The following MAMDC2 variants were observed in gnomAD, a reference collection of about 807,000 sequenced individuals.
MAMDC2 encodes the protein MAM domain containing 2, also known as MAM domain-containing protein 2.
MAMDC2 carries 57 observed loss-of-function variants against 89.8 expected under a neutral mutation model. That is an observed-to-expected ratio of 0.63 (90% CI 0.51 to 0.79). MAMDC2 has a LOEUF of 0.79. MAMDC2 is among the 30% of genes least tolerant of loss of function. The probability of loss-of-function intolerance (pLI) is 0.00; values close to 1 mark genes in which losing one functional copy is unlikely to be tolerated. For missense variants in MAMDC2, 800 were observed against 820.6 expected, an observed-to-expected ratio of 0.97 and a Z score of 0.31; for synonymous variants, 313 against 293.4, an observed-to-expected ratio of 1.07 and a Z score of -0.68.
chr9:70,109,356 G>C (rs1187792829), intron 3 of MAMDC2: 1 of 201,784 alleles, frequency 5.0e-6, no homozygotes, highest in Non-Finnish European at 9.9e-6. Context: ...TAAAACCACA[G>C]GAGAAAAAGT....
At chr9:70,098,322 C>T (rs1357072969) in intron 2 of MAMDC2, among the ~76,000 whole-genome samples, 4 of 152,154 alleles carry the variant, frequency 2.6e-5, no homozygotes, top group Non-Finnish European at 4.4e-5. Flanking sequence ...CCTCTGAGCC[C>T]AAGCCTGTGG....
intron 2 of MAMDC2, among the ~76,000 whole-genome samples, chr9:70,049,032 GA>G (rs1277390471): frequency 6.6e-6 from 1 of 152,174 alleles, no homozygotes; most frequent in East Asian, 1.9e-4. Context: ...AGGTGAACAG[GA>G]AGTAAAAAGA....
intron 2 of MAMDC2, among the ~76,000 whole-genome samples, chr9:70,071,180 T>C (rs2997678): frequency 0.35 from 53,685 of 151,926 alleles, 10,880 homozygotes; most frequent in African/African-American, 0.56. Flanking sequence ...CTTTACCATA[T>C]GTTTTAAGTA....
chr9:70,190,877 A>C (rs1201712364), intron 11 of MAMDC2, among the ~76,000 whole-genome samples: 1 of 152,152 alleles, frequency 6.6e-6, no homozygotes. Context: ...AGAAGCTGCT[A>C]AACAGGTTAA....
At chr9:70,183,678 T>G (rs2032690827) in intron 11 of MAMDC2, among the ~76,000 whole-genome samples, 1 of 152,224 alleles carries the variant, frequency 6.6e-6, no homozygotes, top group Non-Finnish European at 1.5e-5. Flanking sequence ...CTTGCTTTTT[T>G]TTTCTCTTTG....
rs2033636791 is a variant in MAMDC2 at position 70,226,081 on chromosome 9, A to G, written c.*49A>G. 6.3e-6 allele frequency: 7 copies of G among 1,115,040 alleles called. No homozygotes were observed. The East Asian group carries it at 1.7e-4, about 27-fold the overall frequency. 69.1% of individuals were successfully genotyped at this position (1,115,040 alleles called of 1,614,324 possible). The stretch of plus-strand genomic sequence containing the variant: ...TAGACGAAAACCATACCTCTCTTCA[A>G]TCAAAATGAAAACAAAGCAAATGAA... On this transcript the variant is annotated 3_prime_UTR_variant, in exon 14 of 14. Transcript: ENST00000377182.
In MAMDC2 at chr9:70,049,241, C is replaced by G. The variant is rs150338456; in HGVS notation, c.148+4544C>G. Among the ~76,000 whole-genome samples, 10 of 152,192 alleles carry G rather than the reference C, an allele frequency of 6.6e-5. No homozygotes were observed. In the East Asian group the frequency reaches 1.7e-3, roughly 26 times the overall value. ...GGGGTGGGGGCATGGTAGAATGTCC[C>G]GAAATCACGTGTAAATACATGTGTG... On this transcript the variant is annotated intron_variant, in intron 2 of 13. Coordinates refer to ENST00000377182, the MANE Select transcript of MAMDC2 (RefSeq NM_153267.5).
chr9:70,134,489 A>G (rs2030931814), intron 7 of MAMDC2, among the ~76,000 whole-genome samples: 1 of 151,998 alleles, frequency 6.6e-6, no homozygotes, highest in Non-Finnish European at 1.5e-5. Flanking sequence ...CATAAAGCCC[A>G]GCCTCAAACT....
In MAMDC2 at chr9:70,207,669, T is replaced by C. The variant is rs1266787993; in HGVS notation, c.1652-10668T>C. Among the ~76,000 whole-genome samples, 5 of 152,266 alleles carry C rather than the reference T, an allele frequency of 3.3e-5. No individual in the cohort carries two copies. In the South Asian group the frequency reaches 1.0e-3, roughly 32 times the overall value. On this transcript the variant is annotated intron_variant, in intron 11 of 13. Coordinates refer to ENST00000377182, the MANE Select transcript of MAMDC2 (RefSeq NM_153267.5). Reference sequence around the variant, plus strand: ...CATTTGTCAATTTTGGCTTTTGTTGTCATTGCTTTTGGTGTTTTCGACATG... The same window carrying C: ...CATTTGTCAATTTTGGCTTTTGTTGCCATTGCTTTTGGTGTTTTCGACATG...
intron 2 of MAMDC2, chr9:70,079,385 A>G (rs542867995): frequency 1.3e-5 from 2 of 152,304 alleles, no homozygotes; most frequent in African/African-American, 4.8e-5. Flanking sequence ...AATTCATGAC[A>G]TTATAAACTG....
At chr9:70,125,580 T>G (rs148582968) in intron 5 of MAMDC2, among the ~76,000 whole-genome samples, 1 of 152,348 alleles carries the variant, frequency 6.6e-6, no homozygotes, top group East Asian at 1.9e-4. Context: ...CAAATTTCAG[T>G]GTCGATTGAC....
At chr9:70,211,917 T>G (rs192802139) in intron 11 of MAMDC2, among the ~76,000 whole-genome samples, 7 of 152,240 alleles carry the variant, frequency 4.6e-5, no homozygotes, top group African/African-American at 1.4e-4. Flanking sequence ...TGCCTGGGTA[T>G]CAGCAGCGGA....
At chr9:70,107,492 C>T (rs1012144386) in intron 2 of MAMDC2, among the ~76,000 whole-genome samples, 1 of 152,080 alleles carries the variant, frequency 6.6e-6, no homozygotes, top group African/African-American at 2.4e-5. Flanking sequence ...AATTGCTAGT[C>T]CCAGAGTGTC....
intron 2 of MAMDC2, among the ~76,000 whole-genome samples, chr9:70,072,837 T>A (rs1827439394): frequency 6.6e-6 from 1 of 152,108 alleles, no homozygotes; most frequent in Non-Finnish European, 1.5e-5. Flanking sequence ...CACATTTTCA[T>A]TCTATTTTTT....
intron 11 of MAMDC2, among the ~76,000 whole-genome samples, chr9:70,215,223 G>GTAAT (rs1347564675): frequency 3.3e-5 from 5 of 150,774 alleles, no homozygotes. Flanking sequence ...ACGTAAGAAT[G>GTAAT]TAATTCTACT....
chr9:70,198,598 C>T (rs2033026487), intron 11 of MAMDC2, among the ~76,000 whole-genome samples: 1 of 152,222 alleles, frequency 6.6e-6, no homozygotes, highest in Middle Eastern at 3.4e-3. Flanking sequence ...TCAGTTCTCT[C>T]TCCCTGATCC....
At chr9:70,122,976 T>A (rs2030353678) in intron 5 of MAMDC2, among the ~76,000 whole-genome samples, 1 of 152,088 alleles carries the variant, frequency 6.6e-6, no homozygotes, top group Non-Finnish European at 1.5e-5. Context: ...TGGTGTGGTC[T>A]TGGTACAAAC....
chr9:70,209,335 A>T (rs545554530), intron 11 of MAMDC2, among the ~76,000 whole-genome samples: 1 of 152,288 alleles, frequency 6.6e-6, no homozygotes, highest in African/African-American at 2.4e-5. Context: ...TCAGGGATTC[A>T]ACTTCTTCCT....
intron 11 of MAMDC2, among the ~76,000 whole-genome samples, chr9:70,182,740 C>T (rs146906944): frequency 0.035 from 5,312 of 151,994 alleles, 123 homozygotes; most frequent in Non-Finnish European, 0.054. Flanking sequence ...TTTGATTCTT[C>T]TCTGTTCTTT....
Sources: gnomAD v4.1 joint callset for allele counts (sites outside exome capture counted in the v4.1 genomes callset) on GRCh38, gnomAD v4.1.1 for gene constraint, MANE v1.5 for transcripts, NCBI Gene and HGNC (gene_info 2026-07-23, HGNC 2026-07-21) for gene names.